Variants in TAFA2 observed in about 807,000 individuals in gnomAD.
The protein encoded by TAFA2 is chemokine-like protein TAFA-2.
Under a neutral mutation model 18.8 loss-of-function variants are expected in TAFA2, and 7 were observed. The ratio of observed to expected loss-of-function variants is 0.37; its 90% CI spans 0.21 to 0.70. The LOEUF (loss-of-function observed/expected upper bound fraction) is 0.70, where lower values mean the gene tolerates loss of function less well. TAFA2 is among the 30% of genes least tolerant of loss of function. The pLI, the probability that TAFA2 is intolerant of heterozygous loss-of-function variation, is 0.53. For missense variants in TAFA2, 122 were observed against 158.1 expected, an observed-to-expected ratio of 0.77 and a Z score of 1.23; for synonymous variants, 60 against 54.2, an observed-to-expected ratio of 1.11 and a Z score of -0.47.
intron 1 of TAFA2, among the ~76,000 whole-genome samples, chr12:62,174,379 A>G (rs893157248): frequency 6.6e-6 from 1 of 152,138 alleles, no homozygotes; most frequent in Non-Finnish European, 1.5e-5. Flanking sequence ...CTGCTGGGGA[A>G]CACCAATATT....
intron 1 of TAFA2, among the ~76,000 whole-genome samples, chr12:61,997,096 T>C (rs1880214539): frequency 6.6e-6 from 1 of 150,616 alleles, no homozygotes; most frequent in Non-Finnish European, 1.5e-5. Context: ...AATAAACAAA[T>C]AAACACATAA....
intron 2 of TAFA2, among the ~76,000 whole-genome samples, chr12:61,864,435 T>C (rs1874262227): frequency 1.3e-5 from 2 of 149,758 alleles, no homozygotes; most frequent in South Asian, 4.2e-4. Flanking sequence ...CACCATATAT[T>C]TCTATAACTA....
chr12:62,112,998 C>T (rs968306555), intron 1 of TAFA2, among the ~76,000 whole-genome samples: 1 of 152,094 alleles, frequency 6.6e-6, no homozygotes, highest in South Asian at 2.1e-4. Flanking sequence ...TTGTCAAACT[C>T]ATTCTCCATC....
chr12:61,725,551 C>A (rs1240678185), intron 4 of TAFA2, among the ~76,000 whole-genome samples: 1 of 150,280 alleles, frequency 6.7e-6, no homozygotes, highest in African/African-American at 2.5e-5. Context: ...GTCCTTTCCC[C>A]ACTTTATGCT....
At chr12:62,192,948 A>T (rs2062633558), upstream of TAFA2, 1 of 152,254 alleles carries the variant, frequency 6.6e-6, no homozygotes, top group Non-Finnish European at 1.5e-5. Flanking sequence ...ATCTGGTTTC[A>T]GATAATTTGC....
In TAFA2 at chr12:62,176,163, A is replaced by G. The variant is rs187912998; in HGVS notation, c.-2+15096T>C. 7.4e-3 allele frequency among the ~76,000 whole-genome samples: 1,122 copies of G among 152,262 alleles called. 7 individuals carry two copies. Among genetic ancestry groups the G allele is most frequent in the Middle Eastern group, 0.02 (6 of 294 alleles). ...TTAGAAAAAATCTATTTACATATAT[A>G]TTTTGGTTTTATTCTGCCATTTGTT... is the stretch of plus-strand genomic sequence containing the variant. On this transcript the variant is annotated intron_variant, in intron 1 of 4. Transcript: ENST00000416284.
At chr12:61,806,399 G>A (rs1871614892) in intron 2 of TAFA2, among the ~76,000 whole-genome samples, 1 of 152,136 alleles carries the variant, frequency 6.6e-6, no homozygotes, top group Non-Finnish European at 1.5e-5. Flanking sequence ...TTGCATGATT[G>A]AGAGGGCTCT....
intron 1 of TAFA2, among the ~76,000 whole-genome samples, chr12:62,173,479 T>G (rs1382253746): frequency 1.3e-5 from 2 of 152,194 alleles, no homozygotes; most frequent in Non-Finnish European, 2.9e-5. Context: ...TAAGACATTC[T>G]AAACTGAAAG....
intron 1 of TAFA2, among the ~76,000 whole-genome samples, chr12:62,048,597 T>C (rs1057446897): frequency 2.0e-5 from 3 of 152,252 alleles, no homozygotes; most frequent in African/African-American, 7.2e-5. Flanking sequence ...TCTTCATTTG[T>C]CACCATTTAC....
chr12:62,003,679 TCTC>T (rs1238617188), intron 1 of TAFA2, among the ~76,000 whole-genome samples: 7 of 152,176 alleles, frequency 4.6e-5, no homozygotes, highest in Non-Finnish European at 7.3e-5. Context: ...TCATTGCTTC[TCTC>T]CTGTCTACCA....
chr12:62,138,829 G>A (rs113689433), intron 1 of TAFA2, among the ~76,000 whole-genome samples: 2 of 152,098 alleles, frequency 1.3e-5, no homozygotes, highest in East Asian at 1.9e-4. Context: ...AAACAGAAAC[G>A]TTCATTTTAA....
At chr12:62,248,095 A>G (rs537747394) in intron 1 of TAFA2, among the ~76,000 whole-genome samples, 1 of 152,378 alleles carries the variant, frequency 6.6e-6, no homozygotes, top group East Asian at 1.9e-4. Flanking sequence ...GAAAGCTCTC[A>G]GAAAAAAGGC....
chr12:62,095,326 T>C (rs530943528), intron 1 of TAFA2, among the ~76,000 whole-genome samples: 1 of 152,168 alleles, frequency 6.6e-6, no homozygotes, highest in East Asian at 1.9e-4. Flanking sequence ...AGACAGTCGA[T>C]TAACAATTAA....
At chr12:61,927,860 A>T (rs1313159976) in intron 1 of TAFA2, among the ~76,000 whole-genome samples, 1 of 152,176 alleles carries the variant, frequency 6.6e-6, no homozygotes, top group African/African-American at 2.4e-5. Flanking sequence ...AACACCACAC[A>T]TCTACAACCA....
chr12:62,137,688 A>G (rs903318633), intron 1 of TAFA2, among the ~76,000 whole-genome samples: 4 of 152,168 alleles, frequency 2.6e-5, no homozygotes, highest in African/African-American at 9.6e-5. Context: ...ACAAAGCATC[A>G]TCATCTCCCC....
chr12:62,233,701 T>A (rs2136985474), intron 1 of TAFA2, among the ~76,000 whole-genome samples: 1 of 152,256 alleles, frequency 6.6e-6, no homozygotes, highest in Admixed American at 6.5e-5. Flanking sequence ...AAATGAAAGA[T>A]TCTTTGAGTA....
chr12:62,170,691 G>T (rs2062471515), intron 1 of TAFA2, among the ~76,000 whole-genome samples: 1 of 152,122 alleles, frequency 6.6e-6, no homozygotes, highest in Non-Finnish European at 1.5e-5. Flanking sequence ...GAGTGGCGAA[G>T]TCTGTGTCTC....
chr12:61,785,858 G>A (rs1279319874), intron 2 of TAFA2, among the ~76,000 whole-genome samples: 3 of 151,408 alleles, frequency 2.0e-5, no homozygotes, highest in Non-Finnish European at 4.4e-5. Flanking sequence ...TACCAATCTA[G>A]GAAGAGTTTA....
At chr12:61,731,652 G>A (rs1434105777) in intron 4 of TAFA2, among the ~76,000 whole-genome samples, 1 of 151,898 alleles carries the variant, frequency 6.6e-6, no homozygotes, top group Non-Finnish European at 1.5e-5. Flanking sequence ...AAAACCCCGA[G>A]AATTATTCTG....
Sources: gnomAD v4.1 joint callset for allele counts (sites outside exome capture counted in the v4.1 genomes callset) on GRCh38, gnomAD v4.1.1 for gene constraint, MANE v1.5 for transcripts, NCBI Gene and HGNC (gene_info 2026-07-23, HGNC 2026-07-21) for gene names.